The following DDX19B variants were observed in gnomAD, a reference collection of about 807,000 sequenced individuals.
DDX19B encodes ATP-dependent RNA helicase DDX19B.
Under a neutral mutation model 58.1 loss-of-function variants are expected in DDX19B, and 27 were observed. The observed-to-expected ratio is 0.46, with a 90% CI of 0.34 to 0.64. DDX19B has a LOEUF of 0.64. Ranked by LOEUF, DDX19B falls within the 30% of genes least tolerant of loss-of-function variation. DDX19B has a pLI of 0.01. For synonymous variants in DDX19B, 187 were observed against 214.4 expected (o/e 0.87, Z 1.12); for missense variants, 399 against 596.5 (o/e 0.67, Z 3.45).
intron 4 of DDX19B, among the ~76,000 whole-genome samples, chr16:70,316,572 T>TG (rs1962427840): frequency 6.6e-6 from 1 of 152,110 alleles, no homozygotes; most frequent in Non-Finnish European, 1.5e-5. Flanking sequence ...TCCCAGCACT[T>TG]TTGGAGGCCA....
upstream of DDX19B, chr16:70,294,881 C>A (rs1197827224): frequency 3.3e-6 from 5 of 1,525,928 alleles, no homozygotes; most frequent in African/African-American, 4.1e-5. Context: ...AAGATCGCGC[C>A]CTGCGGCGGT....
intron 4 of DDX19B, 169 bp from the exon 5 acceptor site, chr16:70,317,327 G>A: frequency 2.2e-6 from 1 of 448,674 alleles, no homozygotes; most frequent in Non-Finnish European, 4.0e-6. Context: ...GTTGCAGTGA[G>A]CCGAGACTGC....
intron 1 of DDX19B, among the ~76,000 whole-genome samples, chr16:70,311,781 C>A (rs56217164): frequency 6.6e-6 from 1 of 152,076 alleles, no homozygotes; most frequent in Non-Finnish European, 1.5e-5. Flanking sequence ...TGTGGTCTTA[C>A]GGCTCTAACG....
chr16:70,298,316 G>T (rs567425469), upstream of DDX19B, among the ~76,000 whole-genome samples: 7 of 151,890 alleles, frequency 4.6e-5, no homozygotes, highest in South Asian at 4.2e-4. Context: ...TGAGGCAAGA[G>T]AATTTCTTGA....
chr16:70,301,711 T>C (rs1220525994), intron 1 of DDX19B, among the ~76,000 whole-genome samples: 1 of 151,388 alleles, frequency 6.6e-6, no homozygotes, highest in East Asian at 1.9e-4. Context: ...TTTTTTTTTT[T>C]TAAGACAGTG....
upstream of DDX19B, among the ~76,000 whole-genome samples, chr16:70,294,122 C>G (rs1362684213): frequency 6.9e-6 from 1 of 145,046 alleles, no homozygotes; most frequent in Non-Finnish European, 1.5e-5. Flanking sequence ...CACTCTGTCG[C>G]CCAGGCTGGA....
At chr16:70,299,080 T>G, upstream of DDX19B, 3 of 1,232,090 alleles carry the variant, frequency 2.4e-6, no homozygotes, top group Non-Finnish European at 3.1e-6. Context: ...TGCCCGGGGT[T>G]GAGGGGTACG....
At chr16:70,316,473 G>A (rs907777158) in intron 4 of DDX19B, among the ~76,000 whole-genome samples, 91 of 152,028 alleles carry the variant, frequency 6.0e-4, no homozygotes, top group Non-Finnish European at 9.9e-4. Flanking sequence ...CTCCCAAAGC[G>A]CTGAGATTAC....
chr16:70,298,690 G>C (rs55963712), upstream of DDX19B, among the ~76,000 whole-genome samples: 14,082 of 151,792 alleles, frequency 0.093, 2,133 homozygotes, highest in African/African-American at 0.32. Flanking sequence ...ATTCTACAAC[G>C]CTTACATAGG....
At chr16:70,325,749 A>T (rs1963111390) in intron 7 of DDX19B, 61 bp downstream of exon 7, 1 of 1,228,164 alleles carries the variant, frequency 8.1e-7, no homozygotes, top group African/African-American at 1.5e-5. Flanking sequence ...GAAATATTTC[A>T]AAACCCACCC....
At chr16:70,300,973 G>A (rs1961459307) in intron 1 of DDX19B, among the ~76,000 whole-genome samples, 1 of 151,980 alleles carries the variant, frequency 6.6e-6, no homozygotes, top group Non-Finnish European at 1.5e-5. Flanking sequence ...GACTCATCAA[G>A]TATTCTATCA....
intron 1 of DDX19B, among the ~76,000 whole-genome samples, chr16:70,301,358 A>G (rs964520584): frequency 1.3e-5 from 2 of 152,174 alleles, no homozygotes; most frequent in Non-Finnish European, 2.9e-5. Flanking sequence ...GCCAAATTTT[A>G]AATGTATTGT....
At chr16:70,289,954 CT>C, upstream of DDX19B, 1 of 334,860 alleles carries the variant, frequency 3.0e-6, no homozygotes. Flanking sequence ...CATGGTTACA[CT>C]TGTCCGGGGG....
At chr16:70,291,021 G>A (rs917804764), upstream of DDX19B, among the ~76,000 whole-genome samples, 1 of 152,134 alleles carries the variant, frequency 6.6e-6, no homozygotes, top group Non-Finnish European at 1.5e-5. Context: ...TGCAAAAAGA[G>A]CATCCTACAC....
At chr16:70,332,474 T>C (rs2152216020) in intron 10 of DDX19B, among the ~76,000 whole-genome samples, 1 of 152,258 alleles carries the variant, frequency 6.6e-6, no homozygotes, top group South Asian at 2.1e-4. Context: ...CTAATTTTTG[T>C]ATTTTCAGTA....
chr16:70,314,125 T>A (rs995617919), intron 2 of DDX19B, among the ~76,000 whole-genome samples: 7 of 151,666 alleles, frequency 4.6e-5, no homozygotes, highest in South Asian at 4.2e-4. Flanking sequence ...AAAAAAAAAA[T>A]TTATATGCAT....
intron 9 of DDX19B, among the ~76,000 whole-genome samples, chr16:70,330,324 T>C (rs902699601): frequency 3.3e-5 from 5 of 152,170 alleles, no homozygotes; most frequent in African/African-American, 1.2e-4. Flanking sequence ...CGGTGGCTCA[T>C]GCCTGTAATC....
intron 1 of DDX19B, among the ~76,000 whole-genome samples, chr16:70,302,994 A>G (rs757162984): frequency 7.2e-5 from 11 of 152,214 alleles, no homozygotes; most frequent in Non-Finnish European, 1.0e-4. Context: ...GATGTTGACA[A>G]TCTTTTCATG....
intron 1 of DDX19B, among the ~76,000 whole-genome samples, chr16:70,309,880 A>T (rs1260355556): frequency 6.6e-6 from 1 of 151,590 alleles, no homozygotes; most frequent in Non-Finnish European, 1.5e-5. Context: ...ACAAACCACC[A>T]ATTAAAACAT....
Sources: gnomAD v4.1 joint callset for allele counts (sites outside exome capture counted in the v4.1 genomes callset) on GRCh38, gnomAD v4.1.1 for gene constraint, MANE v1.5 for transcripts, NCBI Gene and HGNC (gene_info 2026-07-23, HGNC 2026-07-21) for gene names.